UNC5C: variants seen among roughly 807,000 people sequenced by gnomAD.
The protein encoded by UNC5C is netrin receptor UNC5C.
UNC5C carries 47 observed loss-of-function variants against 99.8 expected under a neutral mutation model. That is an observed-to-expected ratio of 0.47 (90% CI 0.37 to 0.60). The LOEUF is 0.60. Ranked by LOEUF, UNC5C falls within the 20% of genes least tolerant of loss-of-function variation. The probability of loss-of-function intolerance (pLI) is 0.00; values close to 1 mark genes in which losing one functional copy is unlikely to be tolerated. For missense variants in UNC5C, 1,062 were observed against 1,165.9 expected (o/e 0.91, Z 1.30); for synonymous variants, 487 against 452.2 (o/e 1.08, Z -0.98).
chr4:95,491,181 C>G (rs1721481046), intron 1 of UNC5C, among the ~76,000 whole-genome samples: 1 of 151,394 alleles, frequency 6.6e-6, no homozygotes, highest in South Asian at 2.1e-4. Context: ...TTGCATGACA[C>G]AAGTAAGAAA....
At chr4:95,387,299 A>G (rs1745239556) in intron 1 of UNC5C, among the ~76,000 whole-genome samples, 1 of 151,952 alleles carries the variant, frequency 6.6e-6, no homozygotes. Flanking sequence ...CCCTTATGCC[A>G]GGCTAGTTTT....
chr4:95,343,217 G>A (rs186307047), intron 1 of UNC5C, among the ~76,000 whole-genome samples: 108 of 152,256 alleles, frequency 7.1e-4, no homozygotes, highest in Non-Finnish European at 1.3e-3. Context: ...TCAGTACTGT[G>A]CTGGATTCAG....
intron 4 of UNC5C, among the ~76,000 whole-genome samples, chr4:95,273,497 T>G (rs143128440): frequency 2.6e-5 from 4 of 152,340 alleles, no homozygotes; most frequent in African/African-American, 9.6e-5. Flanking sequence ...CATAGAGTGC[T>G]GCTATTATGC....
chr4:95,466,051 CATA>C (rs1179614450), intron 1 of UNC5C, among the ~76,000 whole-genome samples: 2 of 152,138 alleles, frequency 1.3e-5, no homozygotes, highest in Non-Finnish European at 2.9e-5. Flanking sequence ...GTGTTTCAAT[CATA>C]TGTTTTTAAT....
intron 7 of UNC5C, among the ~76,000 whole-genome samples, chr4:95,230,209 C>CT (rs1279866411): frequency 6.6e-6 from 1 of 152,196 alleles, no homozygotes; most frequent in Non-Finnish European, 1.5e-5. Flanking sequence ...TGATGATGAG[C>CT]TTTTTTTCAT....
chr4:95,338,177 C>T (rs1279067567), intron 1 of UNC5C, among the ~76,000 whole-genome samples: 8 of 152,008 alleles, frequency 5.3e-5, no homozygotes, highest in Non-Finnish European at 1.0e-4. Context: ...GAGCTGGGTA[C>T]CTTACTCAAC....
chr4:95,258,838 T>C (rs1007751573), intron 4 of UNC5C, among the ~76,000 whole-genome samples: 1 of 138,046 alleles, frequency 7.2e-6, no homozygotes, highest in Admixed American at 7.8e-5. Context: ...CTCGGCTCAC[T>C]GCAAGCTCCG....
At chr4:95,335,659 G>A (rs751050542) in intron 1 of UNC5C, 28 bp from the exon 2 acceptor site, 29 of 1,559,266 alleles carry the variant, frequency 1.9e-5, no homozygotes, top group Non-Finnish European at 2.4e-5. Context: ...AGTGGAAGAT[G>A]GTTAACACAT....
chr4:95,228,568 CATT>C (rs1738780478), intron 7 of UNC5C, among the ~76,000 whole-genome samples: 1 of 152,162 alleles, frequency 6.6e-6, no homozygotes, highest in Non-Finnish European at 1.5e-5. Context: ...ATTTGTCTAA[CATT>C]ATAAAGCTGG....
intron 1 of UNC5C, among the ~76,000 whole-genome samples, chr4:95,517,327 G>A (rs1722243218): frequency 6.6e-6 from 1 of 151,948 alleles, no homozygotes; most frequent in South Asian, 2.1e-4. Flanking sequence ...CATGAATTAG[G>A]GGATTTCTAA....
chr4:95,430,013 G>C (rs1746588877), intron 1 of UNC5C, among the ~76,000 whole-genome samples: 1 of 152,096 alleles, frequency 6.6e-6, no homozygotes. Flanking sequence ...TGGGGAGGGA[G>C]AGATGAACTG....
At chr4:95,488,841 A>G (rs1721400202) in intron 1 of UNC5C, among the ~76,000 whole-genome samples, 1 of 151,748 alleles carries the variant, frequency 6.6e-6, no homozygotes, top group South Asian at 2.1e-4. Context: ...ATAATGTTAG[A>G]TAAAGTAGCA....
chr4:95,214,113 G>A (rs1738166552), intron 10 of UNC5C, among the ~76,000 whole-genome samples: 1 of 152,204 alleles, frequency 6.6e-6, no homozygotes, highest in Admixed American at 6.5e-5. Flanking sequence ...TGGATGAAGG[G>A]CAGGGATGCT....
In UNC5C at chr4:95,363,248, T is replaced by G. The variant is rs75287280; in HGVS notation, c.125-27617A>C. Among the ~76,000 whole-genome samples the G allele has an allele frequency of 1.8e-3, 280 of 152,238 alleles. 1 individual carries two copies. The highest frequency in any genetic ancestry group is 6.1e-3 in the African/African-American group (255 of 41,538). ...TACCATTACACAAACCAGACACAAA[T>G]CTCACTGATCTCACTTGGCTGTGCT... On this transcript the variant is annotated intron_variant, in intron 1 of 15. Coordinates refer to ENST00000453304, the MANE Select transcript of UNC5C (RefSeq NM_003728.4).
chr4:95,241,056 T>C (rs1739313220), intron 7 of UNC5C, among the ~76,000 whole-genome samples: 1 of 151,358 alleles, frequency 6.6e-6, no homozygotes, highest in Admixed American at 6.6e-5. Flanking sequence ...TGCAATCGCA[T>C]GAATCAGTTT....
At chr4:95,223,350 C>A (rs1738548180) in intron 7 of UNC5C, among the ~76,000 whole-genome samples, 1 of 152,188 alleles carries the variant, frequency 6.6e-6, no homozygotes, top group East Asian at 1.9e-4. Context: ...TAGTAATACT[C>A]AAGGGCAAAA....
At chr4:95,171,441 C>T (rs1332610584) in intron 14 of UNC5C, among the ~76,000 whole-genome samples, 2 of 143,040 alleles carry the variant, frequency 1.4e-5, no homozygotes, top group African/African-American at 2.6e-5. Flanking sequence ...CTTCCTGTGT[C>T]CATGTGTTCT....
chr4:95,406,533 T>G (rs1745836471), intron 1 of UNC5C, among the ~76,000 whole-genome samples: 1 of 152,208 alleles, frequency 6.6e-6, no homozygotes, highest in Non-Finnish European at 1.5e-5. Flanking sequence ...TTATATGGGA[T>G]GCAACTAGGG....
At chr4:95,480,375 T>C (rs1389859965) in intron 1 of UNC5C, among the ~76,000 whole-genome samples, 5 of 151,916 alleles carry the variant, frequency 3.3e-5, no homozygotes, top group Admixed American at 6.6e-5. Context: ...CAATACTTAA[T>C]AGTTTAGGAA....
Sources: gnomAD v4.1 joint callset for allele counts (sites outside exome capture counted in the v4.1 genomes callset) on GRCh38, gnomAD v4.1.1 for gene constraint, MANE v1.5 for transcripts, NCBI Gene and HGNC (gene_info 2026-07-23, HGNC 2026-07-21) for gene names.